ASTN2: variants seen among roughly 807,000 people sequenced by gnomAD.
ASTN2 encodes the protein astrotactin 2.
ASTN2 carries 54 observed loss-of-function variants against 139.8 expected under a neutral mutation model. The observed-to-expected ratio is 0.39, with a 90% CI of 0.31 to 0.48. ASTN2 has a LOEUF of 0.48. ASTN2 is among the 20% of genes least tolerant of loss of function. The pLI is 0.95. For synonymous variants in ASTN2, 756 were observed against 719.5 expected, an observed-to-expected ratio of 1.05 and a Z score of -0.81; for missense variants, 1,565 against 1,725.1, an observed-to-expected ratio of 0.91 and a Z score of 1.64.
chr9:117,084,543 T>C (rs1828511832), intron 5 of ASTN2, among the ~76,000 whole-genome samples: 1 of 152,262 alleles, frequency 6.6e-6, no homozygotes, highest in African/African-American at 2.4e-5. Flanking sequence ...CTCTGTTTAG[T>C]TTCAGTTTTG....
chr9:117,357,030 C>T (rs1829558461), intron 1 of ASTN2, among the ~76,000 whole-genome samples: 2 of 152,064 alleles, frequency 1.3e-5, no homozygotes, highest in South Asian at 4.2e-4. Flanking sequence ...TGCCACTGCA[C>T]TCCAGCCTAG....
intron 3 of ASTN2, among the ~76,000 whole-genome samples, chr9:117,170,913 C>T (rs1588038371): frequency 6.6e-6 from 1 of 152,182 alleles, no homozygotes; most frequent in Non-Finnish European, 1.5e-5. Flanking sequence ...TCCACAAATA[C>T]ATGTACCAAG....
At chr9:117,014,001 A>G (rs1443208634) in intron 6 of ASTN2, among the ~76,000 whole-genome samples, 2 of 152,122 alleles carry the variant, frequency 1.3e-5, no homozygotes, top group Non-Finnish European at 2.9e-5. Flanking sequence ...AAGTGTAGAG[A>G]CTGTTTTGGT....
chr9:117,346,119 T>C (rs1341399753), intron 1 of ASTN2, among the ~76,000 whole-genome samples: 1 of 151,778 alleles, frequency 6.6e-6, no homozygotes, highest in Non-Finnish European at 1.5e-5. Context: ...TTTCCAAAGC[T>C]ACCTGGCCCA....
intron 19 of ASTN2, among the ~76,000 whole-genome samples, chr9:116,603,163 G>A (rs985061563): frequency 1.3e-5 from 2 of 152,170 alleles, no homozygotes; most frequent in East Asian, 1.9e-4. Flanking sequence ...AAGGGAGATC[G>A]AGAGGCTGAT....
intron 22 of ASTN2, among the ~76,000 whole-genome samples, chr9:116,431,464 C>G (rs888381971): frequency 6.6e-6 from 1 of 152,066 alleles, no homozygotes; most frequent in East Asian, 1.9e-4. Context: ...TCGTCGGGCT[C>G]CATCTGGAGA....
intron 16 of ASTN2, among the ~76,000 whole-genome samples, chr9:116,693,051 G>A (rs1302938949): frequency 6.6e-6 from 1 of 152,108 alleles, no homozygotes; most frequent in Non-Finnish European, 1.5e-5. Context: ...TATATGCCAT[G>A]AAAGGAAAGG....
intron 16 of ASTN2, among the ~76,000 whole-genome samples, chr9:116,702,632 G>A (rs1467512459): frequency 6.6e-6 from 1 of 152,138 alleles, no homozygotes; most frequent in Non-Finnish European, 1.5e-5. Context: ...TGGGACTCCA[G>A]TAACCCGAGT....
intron 11 of ASTN2, among the ~76,000 whole-genome samples, chr9:116,849,522 A>C (rs192825182): frequency 6.6e-6 from 1 of 152,314 alleles, no homozygotes; most frequent in East Asian, 1.9e-4. Context: ...AGGTACTATT[A>C]TTTCACCCTT....
At chr9:116,867,076 T>C (rs1232462681) in intron 10 of ASTN2, among the ~76,000 whole-genome samples, 3 of 151,248 alleles carry the variant, frequency 2.0e-5, no homozygotes, top group Non-Finnish European at 4.4e-5. Context: ...CAGAGAGTTA[T>C]AGAGGGACAC....
intron 2 of ASTN2, among the ~76,000 whole-genome samples, chr9:117,258,480 A>G (rs1000540156): frequency 6.6e-6 from 1 of 152,160 alleles, no homozygotes; most frequent in African/African-American, 2.4e-5. Context: ...AGTTTGCAGC[A>G]AAGGAGGTGG....
chr9:116,832,271 A>T (rs1292576219), intron 11 of ASTN2, among the ~76,000 whole-genome samples: 1 of 152,280 alleles, frequency 6.6e-6, no homozygotes, highest in East Asian at 1.9e-4. Context: ...ATGTAAAAAA[A>T]TCATGTGATC....
intron 6 of ASTN2, among the ~76,000 whole-genome samples, chr9:117,030,163 T>A (rs1838207220): frequency 6.6e-6 from 1 of 152,188 alleles, no homozygotes; most frequent in Non-Finnish European, 1.5e-5. Flanking sequence ...TTCTTTCTCC[T>A]GTGGATTACT....
intron 3 of ASTN2, among the ~76,000 whole-genome samples, chr9:117,190,857 C>T (rs1831326185): frequency 2.0e-5 from 3 of 151,954 alleles, no homozygotes; most frequent in African/African-American, 7.3e-5. Flanking sequence ...CTAATATATA[C>T]ATATATTTTG....
chr9:117,192,224 C>T (rs978416055), intron 3 of ASTN2, among the ~76,000 whole-genome samples: 8 of 152,092 alleles, frequency 5.3e-5, no homozygotes, highest in African/African-American at 1.4e-4. Context: ...CAGGGCCAAA[C>T]GTCCAAGAGG....
intron 10 of ASTN2, among the ~76,000 whole-genome samples, chr9:116,962,940 A>C (rs1396821529): frequency 1.3e-5 from 2 of 152,168 alleles, no homozygotes; most frequent in Non-Finnish European, 1.5e-5. Context: ...GAGCCACATA[A>C]AATTAATGTC....
chr9:116,840,185 G>A (rs947733740), intron 11 of ASTN2, among the ~76,000 whole-genome samples: 5 of 147,814 alleles, frequency 3.4e-5, no homozygotes, highest in South Asian at 2.2e-4. Flanking sequence ...GAGAGCACAG[G>A]GTTGGGGGTA....
intron 5 of ASTN2, among the ~76,000 whole-genome samples, chr9:117,051,587 C>T (rs983824787): frequency 1.3e-5 from 2 of 152,174 alleles, no homozygotes; most frequent in African/African-American, 2.4e-5. Flanking sequence ...TGGCCCCCAC[C>T]CCTTCTCTCC....
chr9:117,258,037 G>C (rs1425636050), intron 2 of ASTN2, among the ~76,000 whole-genome samples: 1 of 152,204 alleles, frequency 6.6e-6, no homozygotes, highest in Non-Finnish European at 1.5e-5. Context: ...GCTGAGGCCA[G>C]TAAAAAGAAG....
Sources: gnomAD v4.1 joint callset for allele counts (sites outside exome capture counted in the v4.1 genomes callset) on GRCh38, gnomAD v4.1.1 for gene constraint, MANE v1.5 for transcripts, NCBI Gene and HGNC (gene_info 2026-07-23, HGNC 2026-07-21) for gene names.